The following MAGI3 variants were observed in gnomAD, a reference collection of about 807,000 sequenced individuals.
MAGI3 encodes membrane-associated guanylate kinase, WW and PDZ domain-containing protein 3.
A neutral mutation model predicts 121.8 loss-of-function variants in MAGI3; 43 were observed. The ratio of observed to expected loss-of-function variants is 0.35; its 90% CI spans 0.28 to 0.46. The LOEUF (loss-of-function observed/expected upper bound fraction) is 0.46. MAGI3 is among the 20% of genes least tolerant of loss of function. The pLI is 1.00. For synonymous variants in MAGI3, 553 were observed against 639.3 expected (o/e 0.86, Z 2.04); for missense variants, 1,547 against 1,797.3 (o/e 0.86, Z 2.52).
At chr1:113,593,861 T>C (rs1648838798) in intron 5 of MAGI3, among the ~76,000 whole-genome samples, 1 of 152,110 alleles carries the variant, frequency 6.6e-6, no homozygotes, top group South Asian at 2.1e-4. Flanking sequence ...GTGTGGATCA[T>C]GCTGATGAAA....
At chr1:113,591,059 C>T (rs1046758892) in intron 5 of MAGI3, among the ~76,000 whole-genome samples, 2 of 151,858 alleles carry the variant, frequency 1.3e-5, no homozygotes, top group African/African-American at 4.8e-5. Flanking sequence ...ATTTTCAGTC[C>T]TGGAGTTTGA....
At chr1:113,488,888 T>A (rs1449738156) in intron 1 of MAGI3, among the ~76,000 whole-genome samples, 1 of 152,074 alleles carries the variant, frequency 6.6e-6, no homozygotes, top group Non-Finnish European at 1.5e-5. Flanking sequence ...CACCTGCCAG[T>A]ACCCCACCCC....
At chr1:113,633,318 G>A (rs564777356) in intron 9 of MAGI3, among the ~76,000 whole-genome samples, 12 of 117,930 alleles carry the variant, frequency 1.0e-4, no homozygotes, top group South Asian at 3.1e-4. Context: ...CTGGAGTGCA[G>A]TGGCGGGATC....
At chr1:113,643,073 T>C (rs569033273) in intron 10 of MAGI3, among the ~76,000 whole-genome samples, 8 of 152,346 alleles carry the variant, frequency 5.3e-5, no homozygotes, top group Admixed American at 5.2e-4. Context: ...ACAGTGCTTA[T>C]GTGAGAGAAA....
At chr1:113,569,067 T>C (rs1660545848) in intron 2 of MAGI3, among the ~76,000 whole-genome samples, 1 of 152,148 alleles carries the variant, frequency 6.6e-6, no homozygotes, top group South Asian at 2.1e-4. Flanking sequence ...TACATGTGAT[T>C]GGCACATATG....
In MAGI3 at chr1:113,471,072, T is replaced by C. The variant is rs78812068; in HGVS notation, c.317-78443T>C. Among the ~76,000 whole-genome samples the C allele has an allele frequency of 2.3e-3, 346 of 152,312 alleles. 2 individuals carry two copies. The highest frequency in any genetic ancestry group is 8.0e-3 in the African/African-American group (333 of 41,580). ...CTTACATTTACGTCTTTAGTCCATT[T>C]GAGTTGGTTTTTGTTTATGGTCTGA... On this transcript the variant is annotated intron_variant, in intron 1 of 20. Transcript: ENST00000307546.
rs76948819 is a variant in MAGI3, at chr1:113,632,439, T to C, written c.1360+9445T>C. The stretch of plus-strand genomic sequence containing the variant: ...ACCAGATTGAGTTTTTTAAAAGCCA[T>C]CAGAACAAATTAAAGCACCTTTGTT... On this transcript the variant is annotated intron_variant, in intron 9 of 20. Transcript: ENST00000307546. 5.8e-3 allele frequency among the ~76,000 whole-genome samples: 883 copies of C among 152,262 alleles called. 6 individuals are homozygous for C. The highest frequency in any genetic ancestry group is 0.02 in the African/African-American group (849 of 41,552).
chr1:113,399,125 G>A (rs985925941), intron 1 of MAGI3, among the ~76,000 whole-genome samples: 1 of 145,522 alleles, frequency 6.9e-6, no homozygotes, highest in Admixed American at 7.1e-5. Context: ...TTTTTTCTCA[G>A]CTAGACTGTC....
At chr1:113,411,957 G>A (rs956957821) in intron 1 of MAGI3, among the ~76,000 whole-genome samples, 2 of 152,020 alleles carry the variant, frequency 1.3e-5, no homozygotes, top group Admixed American at 6.6e-5. Flanking sequence ...AATGTGCCAT[G>A]TTGGTTTGTT....
intron 1 of MAGI3, among the ~76,000 whole-genome samples, chr1:113,486,678 G>T (rs1470122959): frequency 6.8e-6 from 1 of 146,862 alleles, no homozygotes; most frequent in African/African-American, 2.5e-5. Context: ...TTGAGACAGG[G>T]CCTTGCGATT....
At chr1:113,628,612 G>A (rs76163689) in intron 9 of MAGI3, among the ~76,000 whole-genome samples, 15,721 of 152,128 alleles carry the variant, frequency 0.1, 1,041 homozygotes, top group East Asian at 0.19. Context: ...TAGTGTTCAC[G>A]AAATCCCTTA....
intron 6 of MAGI3, among the ~76,000 whole-genome samples, chr1:113,601,990 T>C (rs1052068293): frequency 1.3e-5 from 2 of 151,794 alleles, no homozygotes; most frequent in African/African-American, 4.8e-5. Flanking sequence ...CCAAACACCG[T>C]ATATTCTCAC....
intron 6 of MAGI3, among the ~76,000 whole-genome samples, chr1:113,599,324 A>C (rs1649221795): frequency 1.3e-5 from 2 of 152,118 alleles, no homozygotes; most frequent in African/African-American, 4.8e-5. Flanking sequence ...GACCACTAGC[A>C]AGACTAATAA....
At chr1:113,428,482 A>T (rs1653133267) in intron 1 of MAGI3, among the ~76,000 whole-genome samples, 1 of 152,230 alleles carries the variant, frequency 6.6e-6, no homozygotes, top group African/African-American at 2.4e-5. Flanking sequence ...ACCAGTGGCA[A>T]CTGGTCCAAC....
chr1:113,475,887 T>A (rs1283470175), intron 1 of MAGI3, among the ~76,000 whole-genome samples: 4 of 152,200 alleles, frequency 2.6e-5, no homozygotes, highest in African/African-American at 9.6e-5. Flanking sequence ...GGCTATTAAT[T>A]TTTGCCTCAA....
intron 1 of MAGI3, among the ~76,000 whole-genome samples, chr1:113,495,357 T>A (rs1656868739): frequency 9.2e-6 from 1 of 108,134 alleles, no homozygotes; most frequent in Non-Finnish European, 1.9e-5. Flanking sequence ...TTGAAGTACC[T>A]CTTTTTTTTT....
intron 1 of MAGI3, among the ~76,000 whole-genome samples, chr1:113,462,581 G>A (rs1214972156): frequency 6.6e-6 from 1 of 152,066 alleles, no homozygotes; most frequent in Non-Finnish European, 1.5e-5. Context: ...AGCAAGAGGC[G>A]CAGAAAATAT....
At chr1:113,447,283 T>C (rs1654218926) in intron 1 of MAGI3, among the ~76,000 whole-genome samples, 1 of 152,228 alleles carries the variant, frequency 6.6e-6, no homozygotes, top group Non-Finnish European at 1.5e-5. Context: ...AGTCAGGGAC[T>C]GGCATCTGGC....
At chr1:113,550,333 G>A (rs527743560) in intron 2 of MAGI3, among the ~76,000 whole-genome samples, 4 of 148,228 alleles carry the variant, frequency 2.7e-5, no homozygotes, top group South Asian at 2.2e-4. Context: ...GGAGAATAGC[G>A]TGAACCCGGG....
Sources: gnomAD v4.1 joint callset for allele counts (sites outside exome capture counted in the v4.1 genomes callset) on GRCh38, gnomAD v4.1.1 for gene constraint, MANE v1.5 for transcripts, NCBI Gene and HGNC (gene_info 2026-07-23, HGNC 2026-07-21) for gene names.